Variants in ANKFN1 observed in about 807,000 individuals in gnomAD.
The protein encoded by ANKFN1 is ankyrin repeat and fibronectin type-III domain-containing protein 1.
Under a neutral mutation model 108.7 loss-of-function variants are expected in ANKFN1, and 74 were observed. The ratio of observed to expected loss-of-function variants is 0.68; its 90% CI spans 0.56 to 0.83. ANKFN1 has a LOEUF of 0.83. ANKFN1 is among the 40% of genes least tolerant of loss of function. The pLI is 0.00. For synonymous variants in ANKFN1, 547 were observed against 516.2 expected, an observed-to-expected ratio of 1.06 and a Z score of -0.81; for missense variants, 1,505 against 1,382.3, an observed-to-expected ratio of 1.09 and a Z score of -1.41.
intron 4 of ANKFN1, among the ~76,000 whole-genome samples, chr17:56,340,054 A>G (rs1401971483): frequency 6.6e-6 from 1 of 152,186 alleles, no homozygotes; most frequent in Non-Finnish European, 1.5e-5. Flanking sequence ...TCTAATGATT[A>G]GTAATGATGA....
chr17:56,347,742 G>A (rs1810612178), intron 4 of ANKFN1, among the ~76,000 whole-genome samples: 1 of 152,072 alleles, frequency 6.6e-6, no homozygotes, highest in Non-Finnish European at 1.5e-5. Flanking sequence ...CTGGAAGGAA[G>A]GGACAGCTGG....
chr17:56,378,915 T>G (rs1337696654), intron 8 of ANKFN1, among the ~76,000 whole-genome samples: 1 of 152,202 alleles, frequency 6.6e-6, no homozygotes, highest in Non-Finnish European at 1.5e-5. Context: ...TCATCCTACT[T>G]TCATTCACTA....
At chr17:56,462,675 A>G (rs1468465380) in intron 14 of ANKFN1, among the ~76,000 whole-genome samples, 1 of 152,206 alleles carries the variant, frequency 6.6e-6, no homozygotes, top group African/African-American at 2.4e-5. Flanking sequence ...TCAACCATAA[A>G]TAAATTCTAT....
intron 3 of ANKFN1, among the ~76,000 whole-genome samples, chr17:56,274,334 G>A (rs1012104988): frequency 6.6e-6 from 1 of 152,142 alleles, no homozygotes; most frequent in Non-Finnish European, 1.5e-5. Flanking sequence ...TTAGCTGGGC[G>A]TGGTGGCGGG....
At chr17:56,500,672 G>A (rs993892026) in intron 20 of ANKFN1, among the ~76,000 whole-genome samples, 2 of 152,196 alleles carry the variant, frequency 1.3e-5, no homozygotes, top group African/African-American at 4.8e-5. Flanking sequence ...ATTATAGGCA[G>A]AGAAAGCAGA....
intron 4 of ANKFN1, among the ~76,000 whole-genome samples, chr17:56,073,112 C>T (rs1280140781): frequency 1.3e-5 from 2 of 151,362 alleles, no homozygotes; most frequent in Admixed American, 6.6e-5. Flanking sequence ...CCTGCCTCAG[C>T]CTCCCAAGTA....
At chr17:56,086,328 C>A (rs1905313952) in intron 4 of ANKFN1, among the ~76,000 whole-genome samples, 3 of 151,160 alleles carry the variant, frequency 2.0e-5, no homozygotes, top group Admixed American at 2.0e-4. Context: ...TCGCTTAAAC[C>A]CAGGAGGCAG....
intron 3 of ANKFN1, chr17:56,228,209 A>C: frequency 7.4e-6 from 3 of 403,852 alleles, no homozygotes; most frequent in Admixed American, 4.4e-5. Flanking sequence ...GTGAGGAGTA[A>C]AAAAATAGGC....
At chr17:56,242,329 T>C (rs1442842274) in intron 3 of ANKFN1, among the ~76,000 whole-genome samples, 1 of 152,120 alleles carries the variant, frequency 6.6e-6, no homozygotes, top group Non-Finnish European at 1.5e-5. Context: ...TACTATTCCG[T>C]CCATGGGTAT....
At position 56,353,999 on chromosome 17, in the gene ANKFN1, C is replaced by A. The variant is rs776293791; in HGVS notation, c.554C>A (p.Pro185His). The A allele has an allele frequency of 1.9e-5, 30 of 1,613,822 alleles. No individual in the cohort carries two copies. Among genetic ancestry groups the A allele is most frequent in the Non-Finnish European group, 2.3e-5 (27 of 1,179,962 alleles). ...ATTGCCATCATGACCAACAATGTGC[C>A]CATTGCAAGGATTCTTCTGAGGACA... ...LDIAIMTNNV[P>H]IARILLRTGA... The change falls in exon 6 of 21, where the codon CCC becomes CAC. Residue 185 changes from proline to histidine, a missense_variant. Physicochemically the swap from Pro to His is moderately conservative, Grantham distance 77. Transcript: ENST00000682825.
intron 3 of ANKFN1, among the ~76,000 whole-genome samples, chr17:56,232,045 A>G (rs1916776577): frequency 6.6e-6 from 1 of 151,982 alleles, no homozygotes; most frequent in Non-Finnish European, 1.5e-5. Flanking sequence ...CATTTGTGCT[A>G]GTTTATCCCT....
intron 20 of ANKFN1, among the ~76,000 whole-genome samples, chr17:56,503,400 T>G (rs555615767): frequency 6.7e-6 from 1 of 149,518 alleles, no homozygotes; most frequent in East Asian, 2.0e-4. Flanking sequence ...GAAGGCCTGA[T>G]GAAAGATTCA....
At chr17:56,301,203 G>A (rs1157362229) in intron 3 of ANKFN1, among the ~76,000 whole-genome samples, 1 of 152,126 alleles carries the variant, frequency 6.6e-6, no homozygotes, top group African/African-American at 2.4e-5. Context: ...GCCATAAGAG[G>A]GGATATCTGG....
intron 6 of ANKFN1, among the ~76,000 whole-genome samples, chr17:56,369,440 C>T (rs1236071637): frequency 6.6e-6 from 1 of 152,002 alleles, no homozygotes; most frequent in African/African-American, 2.4e-5. Context: ...AAAAAATGCC[C>T]CCATTCCAGG....
intron 3 of ANKFN1, among the ~76,000 whole-genome samples, chr17:56,239,767 C>CT (rs1917443897): frequency 1.3e-5 from 2 of 152,104 alleles, no homozygotes; most frequent in South Asian, 2.1e-4. Flanking sequence ...TGGTTCAAGT[C>CT]TTTTTTCTTT....
intron 3 of ANKFN1, among the ~76,000 whole-genome samples, chr17:56,259,154 G>A (rs543675299): frequency 2.6e-5 from 4 of 152,092 alleles, no homozygotes; most frequent in Non-Finnish European, 5.9e-5. Flanking sequence ...GAAGTAACAG[G>A]CCTAAAATCA....
chr17:56,320,443 G>A (rs1435485756), intron 3 of ANKFN1, among the ~76,000 whole-genome samples: 3 of 152,142 alleles, frequency 2.0e-5, no homozygotes, highest in South Asian at 2.1e-4. Flanking sequence ...ATATGGGGCC[G>A]AGCAGATAAA....
At chr17:56,170,807 T>TATATACACACACACACACACACACAC (rs1361307404) in intron 1 of ANKFN1, among the ~76,000 whole-genome samples, 36 of 61,426 alleles carry the variant, frequency 5.9e-4, no homozygotes, top group Non-Finnish European at 9.0e-4. Flanking sequence ...TATATATATA[T>TATATACACACACACACACACACACAC]ACACACACAC....
intron 4 of ANKFN1, among the ~76,000 whole-genome samples, chr17:56,337,450 C>G (rs925999734): frequency 1.3e-5 from 2 of 151,996 alleles, no homozygotes; most frequent in Non-Finnish European, 2.9e-5. Flanking sequence ...GCAACAAAAG[C>G]CAAAATTGAC....
Sources: allele counts gnomAD v4.1 joint callset (sites outside exome capture counted in the v4.1 genomes callset), GRCh38; gene constraint gnomAD v4.1.1; transcripts MANE v1.5; gene names NCBI Gene and HGNC (gene_info 2026-07-23, HGNC 2026-07-21).